Variants in RBFOX3 observed in about 807,000 individuals in gnomAD.
The protein encoded by RBFOX3 is RNA binding protein fox-1 homolog 3.
In RBFOX3, 17 loss-of-function variants were observed where a neutral mutation model predicts 48.7. The observed-to-expected ratio is 0.35, with a 90% CI of 0.24 to 0.52. RBFOX3 has a LOEUF of 0.52. Among genes scored for constraint, RBFOX3 ranks in the 20% least tolerant of loss-of-function variants. The probability of loss-of-function intolerance (pLI) is 0.94; values close to 1 mark genes in which losing one functional copy is unlikely to be tolerated. For synonymous variants in RBFOX3, 212 were observed against 209.5 expected, an observed-to-expected ratio of 1.01 and a Z score of -0.10; for missense variants, 382 against 497.5, an observed-to-expected ratio of 0.77 and a Z score of 2.21.
intron 2 of RBFOX3, among the ~76,000 whole-genome samples, chr17:79,316,499 C>T (rs988654236): frequency 3.9e-5 from 6 of 152,146 alleles, no homozygotes; most frequent in African/African-American, 1.4e-4. Flanking sequence ...GTGGGCAGCT[C>T]GTCGCTCTGC....
chr17:79,094,537 A>G lies in RBFOX3; in HGVS notation c.999-8T>C. 3 of 876,408 alleles carry G rather than the reference A, an allele frequency of 3.4e-6. No homozygotes were observed. The highest frequency in any genetic ancestry group is 2.9e-6 in the Non-Finnish European group (2 of 694,868). 54.3% of individuals were successfully genotyped at this position (876,408 alleles called of 1,614,324 possible). A position where few individuals can be genotyped will look rare whatever the true frequency, so the allele number is the denominator to read the frequency against. On this transcript the variant is annotated splice_polypyrimidine_tract_variant and splice_region_variant and intron_variant, in intron 13 of 14. Transcript: ENST00000693108. ...GCGTAGACTCTGCCGTAACTAGGGAAGAGCGTGGGAGGGGGAGTGGGAGGA... is the reference window on the plus strand; with the variant it reads ...GCGTAGACTCTGCCGTAACTAGGGAGGAGCGTGGGAGGGGGAGTGGGAGGA...
At chr17:79,606,977 A>ACCT (rs2093846337) in intron 1 of RBFOX3, among the ~76,000 whole-genome samples, 1 of 152,180 alleles carries the variant, frequency 6.6e-6, no homozygotes, top group Admixed American at 6.5e-5. Flanking sequence ...TCAGGGAGCA[A>ACCT]CCTTCTTCAG....
chr17:79,289,346 C>T (rs2072758551), intron 3 of RBFOX3, among the ~76,000 whole-genome samples: 1 of 152,234 alleles, frequency 6.6e-6, no homozygotes, highest in Admixed American at 6.5e-5. Flanking sequence ...TGCCCCGGCC[C>T]TTAGTGTCGA....
chr17:79,422,706 C>T (rs71387927), intron 2 of RBFOX3, among the ~76,000 whole-genome samples: 81,826 of 143,692 alleles, frequency 0.57, 22,430 homozygotes, highest in Middle Eastern at 0.67. Flanking sequence ...TGGCTCTTCT[C>T]CATCACCACC....
intron 1 of RBFOX3, among the ~76,000 whole-genome samples, chr17:79,522,540 G>A (rs891604962): frequency 4.6e-5 from 7 of 151,946 alleles, no homozygotes; most frequent in Non-Finnish European, 7.4e-5. Flanking sequence ...GTATTAAGAC[G>A]GCATCACATT....
At chr17:79,200,844 A>G (rs2056639873) in intron 4 of RBFOX3, among the ~76,000 whole-genome samples, 1 of 152,016 alleles carries the variant, frequency 6.6e-6, no homozygotes, top group African/African-American at 2.4e-5. Flanking sequence ...TCCTTAGGCC[A>G]TATCTGGGAA....
At chr17:79,659,425 G>C in the RBFOX3 span, among the ~76,000 whole-genome samples, 1 of 152,284 alleles carries the variant, frequency 6.6e-6, no homozygotes, top group South Asian at 2.1e-4. Flanking sequence ...AGAGCACTCA[G>C]AGCCCAAAGA....
chr17:79,273,567 C>CG lies in RBFOX3; in HGVS notation c.-74+34156_-74+34157insC, dbSNP rs2068129594. Among the ~76,000 whole-genome samples, 3 of 55,410 alleles carry CG rather than the reference C, an allele frequency of 5.4e-5. No individual in the cohort carries two copies. In the East Asian group the frequency reaches 1.5e-3, roughly 28 times the overall value. 36.4% of individuals were successfully genotyped at this position (55,410 alleles called of 152,430 possible). On this transcript the variant is annotated intron_variant, in intron 3 of 14. Coordinates refer to ENST00000693108, the MANE Select transcript of RBFOX3 (RefSeq NM_001350451.2). ...GGCAGGCTATAGGGTAAACAGTGCTCTGGGGGGGGCGGGGGCGGGGTGCTA... is the reference window on the plus strand; with the variant it reads ...GGCAGGCTATAGGGTAAACAGTGCTCGTGGGGGGGGCGGGGGCGGGGTGCTA...
intron 2 of RBFOX3, among the ~76,000 whole-genome samples, chr17:79,366,371 C>T (rs915761531): frequency 6.6e-5 from 10 of 152,224 alleles, no homozygotes; most frequent in African/African-American, 2.2e-4. Context: ...TATACTAAGC[C>T]GTTTCTTTTT....
intron 2 of RBFOX3, among the ~76,000 whole-genome samples, chr17:79,402,271 C>T (rs188166402): frequency 5.3e-5 from 8 of 152,362 alleles, no homozygotes; most frequent in Admixed American, 5.2e-4. Flanking sequence ...GACCTGCGAA[C>T]TGAATGAAAA....
At position 79,103,384 on chromosome 17, in the gene RBFOX3, C is replaced by G. The variant is rs939846940; in HGVS notation, c.415-130G>C. On this transcript the variant is annotated intron_variant, in intron 7 of 14. Coordinates refer to ENST00000693108, the MANE Select transcript of RBFOX3 (RefSeq NM_001350451.2). The surrounding 1 kb of genome is among the most constrained non-coding windows in gnomAD (Gnocchi z 6.1). ...GGGAGAGAGAGAGAAGGGGTTGAGT[C>G]AGGTGAGTTGAGGCAGAGACGCAGG... 1.5e-5 allele frequency: 10 copies of G among 687,606 alleles called. No homozygotes were observed. Among genetic ancestry groups the G allele is most frequent in the Non-Finnish European group, 2.6e-5 (10 of 387,934 alleles). The allele number at this position is 687,606 out of a possible 1,614,324, so 42.6% of individuals were successfully genotyped here.
chr17:79,555,574 G>T (rs1399072018), intron 1 of RBFOX3, among the ~76,000 whole-genome samples: 63 of 3,170 alleles, frequency 0.02, no homozygotes, highest in South Asian at 0.046. Flanking sequence ...TGTGGTGGTA[G>T]TGATGATGAT....
At chr17:79,161,706 C>T (rs1378051818) in intron 4 of RBFOX3, among the ~76,000 whole-genome samples, 2 of 152,214 alleles carry the variant, frequency 1.3e-5, no homozygotes, top group East Asian at 1.9e-4. Flanking sequence ...AGCGATTCTC[C>T]TGCCTCAGCC....
At chr17:79,134,717 CACAGTTCCCCCTGGGGGAAGAG>C (rs559844210) in intron 4 of RBFOX3, among the ~76,000 whole-genome samples, 80 of 152,208 alleles carry the variant, frequency 5.3e-4, no homozygotes, top group Non-Finnish European at 9.7e-4. Flanking sequence ...CATGCAGGGG[CACAGTTCCCCCTGGGGGAAGAG>C]GCAGTTCCCC....
At chr17:79,313,328 G>A (rs1044138384) in intron 2 of RBFOX3, among the ~76,000 whole-genome samples, 1 of 152,182 alleles carries the variant, frequency 6.6e-6, no homozygotes, top group African/African-American at 2.4e-5. Flanking sequence ...CCTCACAAAC[G>A]TCCAGAGCAC....
chr17:79,194,582 C>T (rs905553397), intron 4 of RBFOX3, among the ~76,000 whole-genome samples: 1 of 151,356 alleles, frequency 6.6e-6, no homozygotes, highest in African/African-American at 2.4e-5. Flanking sequence ...TGTACTCTAG[C>T]CTGGGTGACA....
chr17:79,113,369 C>T (rs1022168307), intron 5 of RBFOX3, among the ~76,000 whole-genome samples: 1 of 152,126 alleles, frequency 6.6e-6, no homozygotes, highest in African/African-American at 2.4e-5. Context: ...TGGGGCACCA[C>T]GCCGATGCCG....
At chr17:79,464,453 G>A (rs1245054438) in intron 2 of RBFOX3, among the ~76,000 whole-genome samples, 7 of 152,186 alleles carry the variant, frequency 4.6e-5, no homozygotes, top group Admixed American at 6.5e-5. Flanking sequence ...CGTGCACCTC[G>A]GCCCACAGAG....
At chr17:79,171,649 A>ATAG (rs745527228) in intron 4 of RBFOX3, among the ~76,000 whole-genome samples, 13 of 57,828 alleles carry the variant, frequency 2.2e-4, no homozygotes, top group African/African-American at 1.2e-3. Flanking sequence ...TTAAAAAAAA[A>ATAG]ATAGATCTTG....
Sources: gnomAD v4.1 joint callset for allele counts (sites outside exome capture counted in the v4.1 genomes callset) on GRCh38, gnomAD v4.1.1 for gene constraint, Gnocchi (gnomAD v3.1) non-coding constraint, MANE v1.5 for transcripts, NCBI Gene and HGNC (gene_info 2026-07-23, HGNC 2026-07-21) for gene names.